Variants in CRACD observed in about 807,000 individuals in gnomAD.
The protein encoded by CRACD is capping protein-inhibiting regulator of actin dynamics.
In CRACD, 56 loss-of-function variants were observed where a neutral mutation model predicts 106.8. That is an observed-to-expected ratio of 0.52 (90% CI 0.42 to 0.66). CRACD has a LOEUF of 0.66. Ranked by LOEUF, CRACD falls within the 30% of genes least tolerant of loss-of-function variation. The pLI, the probability that CRACD is intolerant of heterozygous loss-of-function variation, is 0.00. For missense variants in CRACD, 1,730 were observed against 1,623.2 expected, an observed-to-expected ratio of 1.07 and a Z score of -1.13; for synonymous variants, 754 against 670.8, an observed-to-expected ratio of 1.12 and a Z score of -1.92.
At chr4:56,209,335 G>T (rs1738285966) in intron 2 of CRACD, among the ~76,000 whole-genome samples, 1 of 151,832 alleles carries the variant, frequency 6.6e-6, no homozygotes, top group Non-Finnish European at 1.5e-5. Context: ...CTTCAAACTA[G>T]GCAACTCTAG....
chr4:56,324,009 GGGCT>G, intron 9 of CRACD, 91 bp from the exon 10 acceptor site: 1 of 1,373,528 alleles, frequency 7.3e-7, no homozygotes. Flanking sequence ...CAGAGGTCAG[GGGCT>G]GGCAGGCAGA....
At chr4:56,242,077 C>T (rs1373922048) in intron 2 of CRACD, among the ~76,000 whole-genome samples, 2 of 152,132 alleles carry the variant, frequency 1.3e-5, no homozygotes, top group African/African-American at 4.8e-5. Flanking sequence ...ACCTCTGTCA[C>T]TGCTAGTTTG....
chr4:56,102,225 T>A (rs753588738), intron 1 of CRACD, among the ~76,000 whole-genome samples: 1 of 152,204 alleles, frequency 6.6e-6, no homozygotes, highest in African/African-American at 2.4e-5. Context: ...TGGTGTTCTG[T>A]ATCCTTGCCA....
Position 56,313,383 on chromosome 4 carries a change from T to C in CRACD, c.537+4T>C. ...GAAGCACAGGCGCCTTGCCCAGGTG[T>C]GTAGAGCCTGCACGGGCTGACCAGG... is the stretch of plus-strand genomic sequence containing the variant. On this transcript the variant is annotated splice_donor_region_variant and intron_variant, in intron 7 of 10. Coordinates refer to ENST00000682029, the MANE Select transcript of CRACD (RefSeq NM_001393381.1). 6.2e-7 allele frequency: 1 copy of C among 1,611,304 alleles called. No homozygotes were observed.
intron 2 of CRACD, among the ~76,000 whole-genome samples, chr4:56,269,926 C>G (rs1235373232): frequency 6.6e-6 from 1 of 152,192 alleles, no homozygotes; most frequent in Non-Finnish European, 1.5e-5. Context: ...CACACACTTT[C>G]CTGTCTTTCA....
chr4:56,129,938 A>C (rs1734773257), intron 1 of CRACD, among the ~76,000 whole-genome samples: 2 of 152,334 alleles, frequency 1.3e-5, no homozygotes, highest in South Asian at 4.1e-4. Flanking sequence ...GGATTTCAGC[A>C]GAACATAACT....
At position 56,138,960 on chromosome 4, in the gene CRACD, G is replaced by A. The variant is rs549282562; in HGVS notation, c.-335-40324G>A. Among the ~76,000 whole-genome samples the A allele has an allele frequency of 1.3e-3, 199 of 152,266 alleles. 1 individual carries two copies. The highest frequency in any genetic ancestry group is 4.5e-3 in the African/African-American group (187 of 41,550). ...AGAGCCTCCAATAAGTATAACTTTA[G>A]TAGGTTTCATAATTAGGGCCAGTGT... is the stretch of plus-strand genomic sequence containing the variant. On this transcript the variant is annotated intron_variant, in intron 1 of 10. Coordinates refer to ENST00000682029, the MANE Select transcript of CRACD (RefSeq NM_001393381.1).
At chr4:56,127,661 A>T (rs974143476) in intron 1 of CRACD, among the ~76,000 whole-genome samples, 6 of 152,172 alleles carry the variant, frequency 3.9e-5, no homozygotes, top group African/African-American at 1.2e-4. Context: ...CCTCTGTTGT[A>T]TAGCACCTAT....
At position 56,320,932 on chromosome 4, in the gene CRACD, T is replaced by C. The variant is rs554555400; in HGVS notation, c.3188-2445T>C. 4.1e-4 allele frequency: 77 copies of C among 185,570 alleles called. 1 individual carries two copies. The South Asian group carries it at 8.7e-3, about 21-fold the overall frequency. 11.5% of individuals were successfully genotyped at this position (185,570 alleles called of 1,614,324 possible). Reference sequence around the variant, plus strand: ...GGCCTCCCCCTGAGGTGGACTCAGTTTATATATAAACCAGATCTGAATTCC... The same window carrying C: ...GGCCTCCCCCTGAGGTGGACTCAGTCTATATATAAACCAGATCTGAATTCC... On this transcript the variant is annotated intron_variant, in intron 8 of 10. Transcript: ENST00000682029.
chr4:56,183,525 G>A (rs1252821928), intron 2 of CRACD, among the ~76,000 whole-genome samples: 2 of 152,240 alleles, frequency 1.3e-5, no homozygotes, highest in Admixed American at 1.3e-4. Flanking sequence ...ACGTGGTGTA[G>A]AGGGACATCC....
chr4:56,086,014 G>A (rs764350648), intron 1 of CRACD, among the ~76,000 whole-genome samples: 2 of 151,662 alleles, frequency 1.3e-5, no homozygotes, highest in African/African-American at 4.9e-5. Context: ...TTTACCATTC[G>A]TAGCACTCCC....
At chr4:56,088,683 C>T (rs1733313327) in intron 1 of CRACD, among the ~76,000 whole-genome samples, 1 of 152,010 alleles carries the variant, frequency 6.6e-6, no homozygotes, top group South Asian at 2.1e-4. Context: ...AAAATGGGCA[C>T]ACTACTACTA....
rs144727350 is a variant in CRACD, at chr4:56,186,571, T to G, written c.-189+7141T>G. ...GTTGATTCCTTTCCTCTTCCCTCCC[T>G]CCATTAACATGCATGGAACTTTTTA... On this transcript the variant is annotated intron_variant, in intron 2 of 10. Coordinates refer to ENST00000682029, the MANE Select transcript of CRACD (RefSeq NM_001393381.1). 4.4e-3 allele frequency among the ~76,000 whole-genome samples: 672 copies of G among 152,294 alleles called. 3 individuals carry two copies. Among genetic ancestry groups the G allele is most frequent in the African/African-American group, 0.015 (638 of 41,562 alleles).
intron 2 of CRACD, among the ~76,000 whole-genome samples, chr4:56,234,878 G>T (rs1219734191): frequency 6.6e-6 from 1 of 152,142 alleles, no homozygotes; most frequent in African/African-American, 2.4e-5. Context: ...GAAAACATAG[G>T]CTTAGAAATT....
chr4:56,176,166 G>T (rs1371201113), intron 1 of CRACD, among the ~76,000 whole-genome samples: 3 of 152,128 alleles, frequency 2.0e-5, no homozygotes, highest in Non-Finnish European at 4.4e-5. Flanking sequence ...GTACCATGCT[G>T]TTTTAGATAT....
At chr4:56,303,080 C>T (rs932592461) in intron 4 of CRACD, among the ~76,000 whole-genome samples, 1 of 152,184 alleles carries the variant, frequency 6.6e-6, no homozygotes, top group Non-Finnish European at 1.5e-5. Context: ...TGTGGTGGCT[C>T]ATGCCTATAA....
chr4:56,111,552 A>G (rs1226444185), intron 1 of CRACD, among the ~76,000 whole-genome samples: 1 of 152,194 alleles, frequency 6.6e-6, no homozygotes, highest in Non-Finnish European at 1.5e-5. Flanking sequence ...CTATATGTAT[A>G]TATTTTTGAG....
chr4:56,175,018 C>T (rs941736326), intron 1 of CRACD, among the ~76,000 whole-genome samples: 3 of 152,138 alleles, frequency 2.0e-5, no homozygotes, highest in African/African-American at 4.8e-5. Context: ...ATCACGAGAA[C>T]AGCATGGGGG....
chr4:56,082,020 T>C (rs1005999028), intron 1 of CRACD, among the ~76,000 whole-genome samples: 2 of 152,118 alleles, frequency 1.3e-5, no homozygotes, highest in Non-Finnish European at 2.9e-5. Context: ...TTACATTCTT[T>C]TGGGAGAAGA....
Sources: allele counts gnomAD v4.1 joint callset (sites outside exome capture counted in the v4.1 genomes callset), GRCh38; gene constraint gnomAD v4.1.1; transcripts MANE v1.5; gene names NCBI Gene and HGNC (gene_info 2026-07-23, HGNC 2026-07-21).